Variants in GVQW3 observed in about 807,000 individuals in gnomAD.
GVQW3 encodes GVQW motif containing 3.
Under a neutral mutation model 12.5 loss-of-function variants are expected in GVQW3, and 7 were observed. That is an observed-to-expected ratio of 0.56 (90% CI 0.32 to 1.05). The LOEUF (loss-of-function observed/expected upper bound fraction) is 1.05. Among genes scored for constraint, GVQW3 ranks in the 50% least tolerant of loss-of-function variants. GVQW3 has a pLI of 0.04. For missense variants in GVQW3, 188 were observed against 190.8 expected, an observed-to-expected ratio of 0.99 and a Z score of 0.09; for synonymous variants, 71 against 67.2, an observed-to-expected ratio of 1.06 and a Z score of -0.28.
chr11:76,396,883 A>G (rs1379269186), intron 1 of GVQW3, among the ~76,000 whole-genome samples: 1 of 151,128 alleles, frequency 6.6e-6, no homozygotes, highest in Non-Finnish European at 1.5e-5. Context: ...GGATTTGCCT[A>G]TTTTGGAGAT....
chr11:76,401,526 C>G (rs1437010462), intron 1 of GVQW3, among the ~76,000 whole-genome samples: 3 of 152,096 alleles, frequency 2.0e-5, no homozygotes, highest in Non-Finnish European at 4.4e-5. Flanking sequence ...GTAGTCCCAG[C>G]ACTTTGGGAG....
Position 76,381,665 on chromosome 11 carries a change from C to A in GVQW3, c.-164C>A. ...GGATCTCCCCAGCCTCGACTGGAAG[C>A]TGAGGGACAAAAATTCATAAAAGCA... On this transcript the variant is annotated 5_prime_UTR_variant, in exon 1 of 2. It adds an upstream start codon to the 5' untranslated region. Transcript: ENST00000529331. The A allele has an allele frequency of 1.5e-6, 1 of 652,128 alleles. No individual in the cohort carries two copies. Among genetic ancestry groups the A allele is most frequent in the Non-Finnish European group, 2.5e-6 (1 of 400,742 alleles). The allele number at this position is 652,128 out of a possible 1,614,324, so 40.4% of individuals were successfully genotyped here.
At chr11:76,390,781 T>C (rs1336930717) in intron 1 of GVQW3, among the ~76,000 whole-genome samples, 1 of 151,666 alleles carries the variant, frequency 6.6e-6, no homozygotes, top group Non-Finnish European at 1.5e-5. Flanking sequence ...GGGCTGAGAT[T>C]GCGCCACTGC....
At chr11:76,389,853 AGATGTACACGG>A (rs1407621535) in intron 1 of GVQW3, 1 of 152,230 alleles carries the variant, frequency 6.6e-6, no homozygotes, top group Admixed American at 6.5e-5. Flanking sequence ...CAAGCAACAC[AGATGTACACGG>A]GAATTTTGGG....
chr11:76,395,477 T>C (rs770471701), intron 1 of GVQW3, among the ~76,000 whole-genome samples: 1 of 152,246 alleles, frequency 6.6e-6, no homozygotes, highest in Non-Finnish European at 1.5e-5. Context: ...CTTCTGTGTC[T>C]CTTTGATGTG....
At chr11:76,392,597 A>G (rs976435245) in intron 1 of GVQW3, 6 of 152,210 alleles carry the variant, frequency 3.9e-5, no homozygotes, top group Non-Finnish European at 7.3e-5. Context: ...CATTCTTATG[A>G]TATCTTTAAA....
intron 1 of GVQW3, among the ~76,000 whole-genome samples, chr11:76,401,027 T>TATATATATATATA (rs1946984142): frequency 6.7e-6 from 1 of 150,218 alleles, no homozygotes; most frequent in African/African-American, 2.4e-5. Flanking sequence ...GCTTCTATTT[T>TATATATATATATA]TATATATATA....
chr11:76,396,863 C>T (rs1333851626), intron 1 of GVQW3, among the ~76,000 whole-genome samples: 4 of 152,120 alleles, frequency 2.6e-5, no homozygotes, highest in African/African-American at 7.2e-5. Context: ...CATATACTTT[C>T]TGTTTCTATG....
intron 1 of GVQW3, among the ~76,000 whole-genome samples, chr11:76,391,889 G>A (rs961727081): frequency 6.6e-6 from 1 of 152,246 alleles, no homozygotes. Flanking sequence ...GGGAGGTGGA[G>A]GTTGCAGTGA....
At chr11:76,382,760 T>A in intron 1 of GVQW3, 1 of 266,576 alleles carries the variant, frequency 3.8e-6, no homozygotes, top group East Asian at 7.0e-5. Flanking sequence ...GTTCTCAACC[T>A]TCTGCCTCAG....
rs1428075888 is a variant in GVQW3 at position 76,406,212 on chromosome 11, A to G, written c.*2454A>G. 6.6e-6 allele frequency: 1 copy of G among 152,304 alleles called. No individual in the cohort carries two copies. The highest frequency in any genetic ancestry group is 1.5e-5 in the Non-Finnish European group (1 of 68,152). The allele number at this position is 152,304 out of a possible 1,614,324, so 9.4% of individuals were successfully genotyped here. Reference sequence around the variant, plus strand: ...GGTCTCAAACTCCTGGGCTCAACCAATCTGCCCACCTAGGCCTCCCAAAAT... The same window carrying G: ...GGTCTCAAACTCCTGGGCTCAACCAGTCTGCCCACCTAGGCCTCCCAAAAT... On this transcript the variant is annotated 3_prime_UTR_variant, in exon 2 of 2. Transcript: ENST00000529331.
chr11:76,389,358 G>A (rs992100380), intron 1 of GVQW3, among the ~76,000 whole-genome samples: 2 of 152,124 alleles, frequency 1.3e-5, no homozygotes, highest in East Asian at 1.9e-4. Context: ...AAAATCAATA[G>A]CATCTAGAGC....
chr11:76,388,311 C>T (rs1946856419), intron 1 of GVQW3, among the ~76,000 whole-genome samples: 1 of 152,178 alleles, frequency 6.6e-6, no homozygotes, highest in African/African-American at 2.4e-5. Context: ...ATTACAGATA[C>T]ATATGTGTAT....
intron 1 of GVQW3, among the ~76,000 whole-genome samples, chr11:76,391,057 A>G (rs1252730847): frequency 6.6e-6 from 1 of 152,154 alleles, no homozygotes; most frequent in East Asian, 1.9e-4. Flanking sequence ...GAGGCTTCCT[A>G]ACAGCTCCGG....
chr11:76,402,729 T>C (rs967279291), intron 1 of GVQW3, among the ~76,000 whole-genome samples: 2 of 152,060 alleles, frequency 1.3e-5, no homozygotes, highest in African/African-American at 4.8e-5. Context: ...TAATTTAATT[T>C]TTTTTTTGAG....
intron 1 of GVQW3, among the ~76,000 whole-genome samples, chr11:76,385,753 G>A (rs1323482851): frequency 6.6e-6 from 1 of 152,174 alleles, no homozygotes; most frequent in Non-Finnish European, 1.5e-5. Flanking sequence ...GAAGCAGGGT[G>A]GGGTGACATG....
intron 1 of GVQW3, among the ~76,000 whole-genome samples, chr11:76,399,094 AATTGT>A (rs573608920): frequency 3.9e-4 from 59 of 151,884 alleles, no homozygotes; most frequent in Non-Finnish European, 5.7e-4. Flanking sequence ...CTAGTCATGT[AATTGT>A]ATTGTATTGT....
rs182401332 is a variant in GVQW3, at chr11:76,381,944, C to T, written c.116C>T (p.Ser39Leu). 7.2e-6 allele frequency: 11 copies of T among 1,536,422 alleles called. No homozygotes were observed. The highest frequency in any genetic ancestry group is 2.0e-5 in the Admixed American group (1 of 51,002). Residue 39 changes from serine to leucine, a missense_variant, in exon 1 of 2, where the codon TCA becomes TTA. Coordinates refer to ENST00000529331, the MANE Select transcript of GVQW3 (RefSeq NM_001347885.2). ...LKEAYGDEVM[S>L]RARVFDWHKR... ...GAAGCTTATGGGGATGAAGTCATGT[C>T]AAGGGCCAGAGTTTTTGACTGGCAC...
chr11:76,410,548 T>G (rs896917087), downstream of GVQW3, among the ~76,000 whole-genome samples: 4 of 152,124 alleles, frequency 2.6e-5, no homozygotes, highest in Admixed American at 6.5e-5. Flanking sequence ...AAAGAAAGAA[T>G]GAATGTGTGA....
Sources: gnomAD v4.1 joint callset for allele counts (sites outside exome capture counted in the v4.1 genomes callset) on GRCh38, gnomAD v4.1.1 for gene constraint, MANE v1.5 for transcripts, NCBI Gene and HGNC (gene_info 2026-07-23, HGNC 2026-07-21) for gene names.